The following HERC1 variants were observed in gnomAD, a reference collection of about 807,000 sequenced individuals.
The protein encoded by HERC1 is HECT and RLD domain containing E3 ubiquitin protein ligase family member 1.
A neutral mutation model predicts 554.3 loss-of-function variants in HERC1; 160 were observed. The observed-to-expected ratio is 0.29, with a 90% CI of 0.25 to 0.33. The LOEUF (loss-of-function observed/expected upper bound fraction) is 0.33. HERC1 is among the 10% of genes least tolerant of loss of function. The probability of loss-of-function intolerance (pLI) is 1.00; values close to 1 mark genes in which losing one functional copy is unlikely to be tolerated. For missense variants in HERC1, 4,919 were observed against 5,918.5 expected (o/e 0.83, Z 5.54); for synonymous variants, 2,175 against 2,131.7 (o/e 1.02, Z -0.56).
At chr15:63,642,155 G>T (rs780092863) in intron 59 of HERC1, among the ~76,000 whole-genome samples, 1 of 152,034 alleles carries the variant, frequency 6.6e-6, no homozygotes, top group Non-Finnish European at 1.5e-5. Context: ...TCAGCACATC[G>T]GCTCTAATCT....
At position 63,749,329 on chromosome 15, in the gene HERC1, T is replaced by C. The variant is rs2075162479; in HGVS notation, c.2219+38A>G. The C allele has an allele frequency of 2.0e-6, 3 of 1,501,552 alleles. No homozygotes were observed. The highest frequency in any genetic ancestry group is 1.4e-5 in the African/African-American group (1 of 70,928). The allele number at this position is 1,501,552 out of a possible 1,614,324, so 93.0% of individuals were successfully genotyped here. A position where few individuals can be genotyped will look rare whatever the true frequency, so the allele number is the denominator to read the frequency against. ...TTCTACTTTTTATTGGTGTTTATGT[T>C]AAAACACACAAGAATTTTTAAACAT... is the stretch of plus-strand genomic sequence containing the variant. On this transcript the variant is annotated intron_variant, in intron 10 of 77. Transcript: ENST00000443617. This position sits in a 1 kb window ranked among gnomAD's most constrained non-coding sequence, Gnocchi z 4.1.
At chr15:63,788,576 C>T (rs966395797) in intron 1 of HERC1, among the ~76,000 whole-genome samples, 4 of 152,154 alleles carry the variant, frequency 2.6e-5, no homozygotes, top group African/African-American at 9.7e-5. Context: ...TGTAATACTA[C>T]CACAGTTGTG....
intron 1 of HERC1, among the ~76,000 whole-genome samples, chr15:63,786,051 CAAAATT>C (rs2076430713): frequency 6.6e-6 from 1 of 151,106 alleles, no homozygotes; most frequent in Non-Finnish European, 1.5e-5. Flanking sequence ...AATCAGCTAA[CAAAATT>C]AAGAAAAAAA....
intron 38 of HERC1, 45 bp from the exon 39 acceptor site, chr15:63,672,739 T>C: frequency 7.3e-7 from 1 of 1,377,946 alleles, no homozygotes; most frequent in Non-Finnish European, 9.9e-7. Context: ...GGATTTGTTT[T>C]TTCAAAAATA....
chr15:63,648,749 C>T (rs888387096), intron 54 of HERC1, among the ~76,000 whole-genome samples: 10 of 152,120 alleles, frequency 6.6e-5, no homozygotes, highest in African/African-American at 1.9e-4. Flanking sequence ...AGTGTGGGAA[C>T]TGAGTAGACA....
intron 12 of HERC1, among the ~76,000 whole-genome samples, chr15:63,735,334 A>G (rs1250774323): frequency 6.9e-6 from 1 of 145,148 alleles, no homozygotes; most frequent in African/African-American, 2.6e-5. Flanking sequence ...GGCATTTAAG[A>G]ATTACAGAAT....
At chr15:63,757,376 C>T (rs1348440447) in intron 4 of HERC1, among the ~76,000 whole-genome samples, 1 of 150,384 alleles carries the variant, frequency 6.6e-6, no homozygotes. Flanking sequence ...GCAATTCCTG[C>T]CTCAGCCCCC....
At position 63,675,377 on chromosome 15, in the gene HERC1, A is replaced by G. The variant is rs7162904; in HGVS notation, c.7071-260T>C. On this transcript the variant is annotated intron_variant, in intron 37 of 77. Coordinates refer to ENST00000443617, the MANE Select transcript of HERC1 (RefSeq NM_003922.4). The stretch of plus-strand genomic sequence containing the variant: ...TAATATATAATGTATGCCAGGAGTT[A>G]GCAAACTTTCTGTAAGGGGCCAGAC... Among the ~76,000 whole-genome samples, 1,633 of 152,342 alleles carry G rather than the reference A, an allele frequency of 0.011. 28 individuals are homozygous for G. Among genetic ancestry groups the G allele is most frequent in the African/African-American group, 0.038 (1,561 of 41,576 alleles).
intron 68 of HERC1, among the ~76,000 whole-genome samples, chr15:63,631,474 T>C (rs1218131704): frequency 6.6e-6 from 1 of 152,228 alleles, no homozygotes; most frequent in African/African-American, 2.4e-5. Flanking sequence ...GAGACTGCAC[T>C]GCCCTGGCTC....
chr15:63,796,594 G>A (rs2076820368), intron 1 of HERC1, among the ~76,000 whole-genome samples: 1 of 152,160 alleles, frequency 6.6e-6, no homozygotes, highest in South Asian at 2.1e-4. Context: ...GACTCAGGAG[G>A]TCCTGATGAC....
chr15:63,688,541 GA>G (rs1240015460), intron 33 of HERC1, among the ~76,000 whole-genome samples: 1 of 152,154 alleles, frequency 6.6e-6, no homozygotes, highest in Non-Finnish European at 1.5e-5. Flanking sequence ...GTGGATTAAT[GA>G]GTCTGAATAA....
intron 12 of HERC1, among the ~76,000 whole-genome samples, chr15:63,739,875 A>G (rs1336852574): frequency 1.3e-5 from 2 of 150,032 alleles, no homozygotes; most frequent in Non-Finnish European, 3.0e-5. Flanking sequence ...GACTTACACA[A>G]TAAGCCCTTT....
At chr15:63,633,757 A>AT in intron 67 of HERC1, 91 bp downstream of exon 67, 1 of 1,351,670 alleles carries the variant, frequency 7.4e-7, no homozygotes, top group Non-Finnish European at 1.0e-6. Flanking sequence ...CAAAAGTACT[A>AT]AAGGTAAATT....
intron 1 of HERC1, among the ~76,000 whole-genome samples, chr15:63,819,015 C>T (rs1029445503): frequency 2.0e-5 from 3 of 152,208 alleles, no homozygotes; most frequent in Non-Finnish European, 4.4e-5. Context: ...TAAGAACATG[C>T]CAATTACCAT....
intron 3 of HERC1, among the ~76,000 whole-genome samples, chr15:63,762,177 A>C (rs962627943): frequency 2.6e-5 from 4 of 152,354 alleles, no homozygotes; most frequent in Middle Eastern, 3.4e-3. Context: ...AGGCTCTAAA[A>C]GATTATGAGG....
intron 25 of HERC1, 43 bp downstream of exon 25, chr15:63,706,728 TGAGACAGGG>T: frequency 1.1e-6 from 1 of 879,508 alleles, no homozygotes; most frequent in Non-Finnish European, 1.7e-6. Context: ...TTTTTTTTTT[TGAGACAGGG>T]TCTCACTAAG....
chr15:63,819,014 G>A (rs2077592926), intron 1 of HERC1, among the ~76,000 whole-genome samples: 1 of 152,156 alleles, frequency 6.6e-6, no homozygotes, highest in Non-Finnish European at 1.5e-5. Context: ...TTAAGAACAT[G>A]CCAATTACCA....
chr15:63,796,489 C>G (rs569125940), intron 1 of HERC1, among the ~76,000 whole-genome samples: 1 of 152,282 alleles, frequency 6.6e-6, no homozygotes, highest in African/African-American at 2.4e-5. Flanking sequence ...ATCGATCATT[C>G]CGGGGTGTAG....
At chr15:63,670,755 A>G (rs953329445) in intron 39 of HERC1, among the ~76,000 whole-genome samples, 15 of 152,202 alleles carry the variant, frequency 9.9e-5, no homozygotes, top group Admixed American at 3.3e-4. Context: ...ATTAAAAACC[A>G]TATTAGAATG....
Sources: gnomAD v4.1 joint callset for allele counts (sites outside exome capture counted in the v4.1 genomes callset) on GRCh38, gnomAD v4.1.1 for gene constraint, Gnocchi (gnomAD v3.1) non-coding constraint, MANE v1.5 for transcripts, NCBI Gene and HGNC (gene_info 2026-07-23, HGNC 2026-07-21) for gene names.